Variants in BTC observed in about 807,000 individuals in gnomAD.
BTC encodes the protein probetacellulin.
BTC carries 13 observed loss-of-function variants against 18.1 expected under a neutral mutation model. That is an observed-to-expected ratio of 0.72 (90% CI 0.47 to 1.14). The LOEUF (loss-of-function observed/expected upper bound fraction) is 1.14. BTC is among the 50% of genes most tolerant of loss of function. The pLI, the probability that BTC is intolerant of heterozygous loss-of-function variation, is 0.00. For missense variants in BTC, 247 were observed against 224.2 expected (o/e 1.10, Z -0.65); for synonymous variants, 83 against 79.4 (o/e 1.05, Z -0.24).
At chr4:74,749,679 GT>G (rs368443449) in intron 4 of BTC, among the ~76,000 whole-genome samples, 3 of 77,836 alleles carry the variant, frequency 3.9e-5, no homozygotes, top group African/African-American at 1.1e-4. Flanking sequence ...TAATAAGATA[GT>G]TTTTTTTGTT....
chr4:74,791,470 C>T (rs1725624867), intron 1 of BTC, among the ~76,000 whole-genome samples: 1 of 152,128 alleles, frequency 6.6e-6, no homozygotes, highest in Middle Eastern at 3.2e-3. Flanking sequence ...TAGAAAATGC[C>T]TTTAAACAGT....
At chr4:74,753,433 ACT>A (rs1724515886) in intron 3 of BTC, among the ~76,000 whole-genome samples, 1 of 152,230 alleles carries the variant, frequency 6.6e-6, no homozygotes, top group Non-Finnish European at 1.5e-5. Flanking sequence ...CATGCTCTTA[ACT>A]GCATAGTAAA....
At chr4:74,757,873 G>A (rs1462128663) in intron 2 of BTC, among the ~76,000 whole-genome samples, 1 of 152,164 alleles carries the variant, frequency 6.6e-6, no homozygotes, top group Non-Finnish European at 1.5e-5. Flanking sequence ...AGATAGACAT[G>A]ATAACATCTA....
At chr4:74,757,609 T>C (rs1193834495) in intron 2 of BTC, among the ~76,000 whole-genome samples, 1 of 152,020 alleles carries the variant, frequency 6.6e-6, no homozygotes, top group Non-Finnish European at 1.5e-5. Flanking sequence ...CTAGAAAACA[T>C]CGAAGAAATA....
Position 74,754,535 on chromosome 4 carries a change from G to A in BTC, c.281+1324C>T, listed in dbSNP as rs546430538. On this transcript the variant is annotated intron_variant, in intron 3 of 5. Transcript: ENST00000395743. ...TCCACAAGGAGATGATGAGTGCAGT[G>A]CATCTTAAACCATAGCAAGAATAAG... Among the ~76,000 whole-genome samples, 6 of 152,290 alleles carry A rather than the reference G, an allele frequency of 3.9e-5. No individual in the cohort carries two copies. In the East Asian group the frequency reaches 1.2e-3, roughly 29 times the overall value.
intron 1 of BTC, among the ~76,000 whole-genome samples, chr4:74,788,722 A>G (rs1222633094): frequency 6.6e-6 from 1 of 152,200 alleles, no homozygotes; most frequent in South Asian, 2.1e-4. Flanking sequence ...GCCATGAGCA[A>G]AAGAGTTATG....
At chr4:74,792,008 A>ACACACAC (rs1560728322) in intron 1 of BTC, among the ~76,000 whole-genome samples, 164 of 105,398 alleles carry the variant, frequency 1.6e-3, no homozygotes, top group South Asian at 2.2e-3. Flanking sequence ...CACACACACA[A>ACACACAC]ACACTAGTGT....
At chr4:74,775,141 A>T (rs1343694903) in intron 1 of BTC, among the ~76,000 whole-genome samples, 2 of 152,174 alleles carry the variant, frequency 1.3e-5, no homozygotes, top group Non-Finnish European at 2.9e-5. Flanking sequence ...ACTGTGGCTC[A>T]TCTAGAGGGC....
Position 74,748,154 on chromosome 4 carries a change from GA to G in BTC, c.429-6del. ...TTACGACGTTTCCGAAGAGGGCTTG[GA>G]AAATACGTGTTAGAAGTTAGTATGG... On this transcript the variant is annotated splice_region_variant and splice_polypyrimidine_tract_variant and intron_variant, in intron 4 of 5. Transcript: ENST00000395743. 1 of 1,571,422 alleles carries G rather than the reference GA, an allele frequency of 6.4e-7. No individual in the cohort carries two copies.
intron 2 of BTC, among the ~76,000 whole-genome samples, chr4:74,768,336 T>G (rs1182044809): frequency 2.6e-5 from 4 of 152,074 alleles, no homozygotes; most frequent in African/African-American, 9.7e-5. Context: ...TTCATAAAAG[T>G]CAAAAGGTGG....
In BTC at chr4:74,794,455, T is replaced by G; in HGVS notation, c.-130A>C. 9.5e-7 allele frequency: 1 copy of G among 1,057,842 alleles called. No homozygotes were observed. The highest frequency in any genetic ancestry group is 1.3e-6 in the Non-Finnish European group (1 of 762,570). The allele number at this position is 1,057,842 out of a possible 1,614,324, so 65.5% of individuals were successfully genotyped here. A position where few individuals can be genotyped will look rare whatever the true frequency, so the allele number is the denominator to read the frequency against. On this transcript the variant is annotated 5_prime_UTR_variant, in exon 1 of 6. Coordinates refer to ENST00000395743, the MANE Select transcript of BTC (RefSeq NM_001729.4). ...GGAGGCAGAAGGAAACGAAACTACT[T>G]CCCAGGCTGGCACCCTGGCTACAAG...
At chr4:74,770,915 A>ATG (rs61202126) in intron 1 of BTC, among the ~76,000 whole-genome samples, 8,690 of 141,872 alleles carry the variant, frequency 0.061, 550 homozygotes, top group African/African-American at 0.17. Flanking sequence ...TATATCGTGT[A>ATG]TGTGTGTGTG....
chr4:74,756,543 A>G (rs1553956722), intron 2 of BTC, among the ~76,000 whole-genome samples: 3 of 152,202 alleles, frequency 2.0e-5, no homozygotes, highest in Non-Finnish European at 4.4e-5. Context: ...CACAGATAGA[A>G]AGTGGAAAAA....
rs759171115 is a variant in BTC, at chr4:74,794,328, AC to A, written c.-4del. 1.3e-6 allele frequency: 2 copies of A among 1,543,854 alleles called. No homozygotes were observed. Among genetic ancestry groups the A allele is most frequent in the South Asian group, 2.4e-5 (2 of 83,704 alleles). On this transcript the variant is annotated 5_prime_UTR_variant, in exon 1 of 6. Coordinates refer to ENST00000395743, the MANE Select transcript of BTC (RefSeq NM_001729.4). ...CTGCACCGGGCGGCCCGGTCCATCA[AC>A]CCCGCTCTGCCGGGCCGGGCAGCCC...
At chr4:74,759,169 G>A (rs1560712773) in intron 2 of BTC, among the ~76,000 whole-genome samples, 2 of 152,056 alleles carry the variant, frequency 1.3e-5, no homozygotes, top group Non-Finnish European at 2.9e-5. Context: ...TATAGGGCAC[G>A]GGAGGGGGAA....
intron 3 of BTC, among the ~76,000 whole-genome samples, chr4:74,751,202 C>A (rs991806962): frequency 6.6e-6 from 1 of 152,146 alleles, no homozygotes; most frequent in Non-Finnish European, 1.5e-5. Flanking sequence ...GTTCATAACA[C>A]AATGTTCCAT....
intron 2 of BTC, among the ~76,000 whole-genome samples, chr4:74,763,617 C>T (rs192626970): frequency 4.6e-5 from 7 of 151,890 alleles, no homozygotes; most frequent in Non-Finnish European, 7.4e-5. Flanking sequence ...GGCTTAACCT[C>T]CTGAATGGGA....
chr4:74,746,783 GTTGT>G (rs1237048458), intron 5 of BTC, 108 bp from the exon 6 acceptor site: 2 of 143,800 alleles, frequency 1.4e-5, no homozygotes, highest in Non-Finnish European at 3.2e-5. Flanking sequence ...ATTCAATAAT[GTTGT>G]TTTTGTAATA....
At chr4:74,761,175 A>G (rs1383527705) in intron 2 of BTC, among the ~76,000 whole-genome samples, 1 of 152,002 alleles carries the variant, frequency 6.6e-6, no homozygotes, top group African/African-American at 2.4e-5. Flanking sequence ...GTATCTTTGC[A>G]TATGTTTAAA....
Sources: gnomAD v4.1 joint callset for allele counts (sites outside exome capture counted in the v4.1 genomes callset) on GRCh38, gnomAD v4.1.1 for gene constraint, MANE v1.5 for transcripts, NCBI Gene and HGNC (gene_info 2026-07-23, HGNC 2026-07-21) for gene names.